Variants in WWOX observed in about 807,000 individuals in gnomAD.
WWOX encodes the protein WW domain containing oxidoreductase.
In WWOX, 69 loss-of-function variants were observed where a neutral mutation model predicts 46.2. That is an observed-to-expected ratio of 1.49 (90% CI 1.23 to 1.82). WWOX has a LOEUF of 1.82. Ranked by LOEUF, WWOX falls within the 40% of genes most tolerant of loss-of-function variation. The probability of loss-of-function intolerance (pLI) is 0.00; values close to 1 mark genes in which losing one functional copy is unlikely to be tolerated. For missense variants in WWOX, 919 were observed against 542.6 expected, an observed-to-expected ratio of 1.69 and a Z score of -6.89; for synonymous variants, 359 against 202.6, an observed-to-expected ratio of 1.77 and a Z score of -6.56.
chr16:79,098,004 A>G (rs1005300894), intron 8 of WWOX, among the ~76,000 whole-genome samples: 3 of 152,186 alleles, frequency 2.0e-5, no homozygotes, highest in African/African-American at 4.8e-5. Flanking sequence ...CAGTGGCCCC[A>G]AAGCATTAAT....
At chr16:78,870,044 A>G (rs2044093063) in intron 8 of WWOX, among the ~76,000 whole-genome samples, 1 of 152,206 alleles carries the variant, frequency 6.6e-6, no homozygotes, top group South Asian at 2.1e-4. Context: ...GACTTCTTCC[A>G]TCAACTACAA....
At chr16:78,920,280 A>C (rs1354238608) in intron 8 of WWOX, among the ~76,000 whole-genome samples, 1 of 152,186 alleles carries the variant, frequency 6.6e-6, no homozygotes, top group Non-Finnish European at 1.5e-5. Flanking sequence ...AAACACAGTG[A>C]CCTGGTCACT....
rs187719477 is a variant in WWOX, at chr16:78,112,354, C to G, written c.230+2519C>G. Among the ~76,000 whole-genome samples, 9 of 152,264 alleles carry G rather than the reference C, an allele frequency of 5.9e-5. No homozygotes were observed. In the East Asian group the frequency reaches 1.7e-3, roughly 29 times the overall value. On this transcript the variant is annotated intron_variant, in intron 3 of 8. Coordinates refer to ENST00000566780, the MANE Select transcript of WWOX (RefSeq NM_016373.4). Reference sequence around the variant, plus strand: ...TACCACTGACACTATTTTTCACCTCCCATGTTATCAGTTTGTGTAATAGTA... The same window carrying G: ...TACCACTGACACTATTTTTCACCTCGCATGTTATCAGTTTGTGTAATAGTA...
rs1209543094 is a variant in WWOX, at chr16:78,114,901, A to G, written c.231-75A>G. On this transcript the variant is annotated intron_variant, in intron 3 of 8. Transcript: ENST00000566780. ...GGTCTATGAAAAATGGGGTTTTCCTAAAGTATAAGATTGTCTTATATTTAT... is the reference window on the plus strand; with the variant it reads ...GGTCTATGAAAAATGGGGTTTTCCTGAAGTATAAGATTGTCTTATATTTAT... 7.5e-6 allele frequency: 12 copies of G among 1,593,888 alleles called. No homozygotes were observed. In the East Asian group the frequency reaches 2.0e-4, roughly 27 times the overall value.
At chr16:79,206,243 G>A (rs1235809847) in intron 8 of WWOX, 3 of 152,258 alleles carry the variant, frequency 2.0e-5, no homozygotes, top group South Asian at 2.1e-4. Flanking sequence ...CTGAGAAGGC[G>A]GCAGAGCAGG....
chr16:78,396,392 A>G lies in WWOX; in HGVS notation c.605+9444A>G, dbSNP rs573709403. 3.3e-5 allele frequency among the ~76,000 whole-genome samples: 5 copies of G among 152,306 alleles called. No homozygotes were observed. In the East Asian group the frequency reaches 9.7e-4, roughly 29 times the overall value. On this transcript the variant is annotated intron_variant, in intron 6 of 8. Coordinates refer to ENST00000566780, the MANE Select transcript of WWOX (RefSeq NM_016373.4). ...AAAATGTGTTCGAATTAACCACACC[A>G]ATGTTCACAAAATAAACATTTTTGA...
At chr16:78,694,058 C>G (rs1011572006) in intron 8 of WWOX, among the ~76,000 whole-genome samples, 5 of 151,990 alleles carry the variant, frequency 3.3e-5, no homozygotes, top group Admixed American at 6.6e-5. Context: ...ATGGTGAAAC[C>G]CTGTTTCTAC....
intron 8 of WWOX, among the ~76,000 whole-genome samples, chr16:78,805,329 C>T (rs895184897): frequency 6.6e-6 from 1 of 152,168 alleles, no homozygotes; most frequent in Non-Finnish European, 1.5e-5. Context: ...CTCAGGATCT[C>T]GGCTCACTGC....
At chr16:78,621,630 A>G (rs1424525679) in intron 8 of WWOX, among the ~76,000 whole-genome samples, 1 of 28,930 alleles carries the variant, frequency 3.5e-5, no homozygotes, top group Non-Finnish European at 6.9e-5. Context: ...TTTGAGACAG[A>G]GTCTTGCTCT....
intron 8 of WWOX, among the ~76,000 whole-genome samples, chr16:78,657,983 T>C (rs1159520068): frequency 6.6e-6 from 1 of 152,154 alleles, no homozygotes; most frequent in African/African-American, 2.4e-5. Context: ...TGACTTTGAT[T>C]TTTCACTTTA....
intron 8 of WWOX, among the ~76,000 whole-genome samples, chr16:78,682,842 T>A (rs149253932): frequency 2.9e-4 from 44 of 152,362 alleles, no homozygotes; most frequent in African/African-American, 1.0e-3. Flanking sequence ...TAATGCCTGC[T>A]GCAAATAGAA....
chr16:79,142,799 A>G (rs1192974294), intron 8 of WWOX, among the ~76,000 whole-genome samples: 1 of 152,142 alleles, frequency 6.6e-6, no homozygotes, highest in Non-Finnish European at 1.5e-5. Flanking sequence ...CCCAGGCCCA[A>G]CTGATCCTCC....
intron 8 of WWOX, among the ~76,000 whole-genome samples, chr16:78,758,777 A>G (rs1301325101): frequency 6.6e-6 from 1 of 152,128 alleles, no homozygotes; most frequent in Non-Finnish European, 1.5e-5. Context: ...GTTAAGGGCA[A>G]TGATGTATAC....
At chr16:78,901,943 A>G (rs929695210) in intron 8 of WWOX, among the ~76,000 whole-genome samples, 3 of 152,216 alleles carry the variant, frequency 2.0e-5, no homozygotes, top group African/African-American at 4.8e-5. Flanking sequence ...GGGCTGATCA[A>G]TCCCATTCCC....
chr16:78,742,715 T>C (rs987272792), intron 8 of WWOX, among the ~76,000 whole-genome samples: 9 of 152,254 alleles, frequency 5.9e-5, no homozygotes, highest in East Asian at 1.9e-4. Flanking sequence ...TCACATGGGG[T>C]TGGGCGACAC....
intron 4 of WWOX, among the ~76,000 whole-genome samples, chr16:78,141,973 C>T (rs1159465101): frequency 7.0e-6 from 1 of 142,684 alleles, no homozygotes; most frequent in Non-Finnish European, 1.5e-5. Flanking sequence ...CTAAATTCTT[C>T]CTTATAAAAT....
intron 5 of WWOX, among the ~76,000 whole-genome samples, chr16:78,349,953 C>G (rs9921677): frequency 0.51 from 60,527 of 119,694 alleles, 23,758 homozygotes; most frequent in African/African-American, 0.65. Context: ...CTATGAATTA[C>G]CTAATGCCCA....
intron 8 of WWOX, among the ~76,000 whole-genome samples, chr16:78,976,430 C>G (rs527339374): frequency 6.6e-6 from 1 of 152,214 alleles, no homozygotes; most frequent in Non-Finnish European, 1.5e-5. Context: ...GTGCGTGGGC[C>G]TGTGACTAAC....
intron 8 of WWOX, among the ~76,000 whole-genome samples, chr16:78,926,559 G>C (rs930053420): frequency 3.3e-5 from 5 of 152,162 alleles, no homozygotes; most frequent in Non-Finnish European, 5.9e-5. Context: ...TCATTTTGCA[G>C]AAAGCAGACG....
Sources: gnomAD v4.1 joint callset for allele counts (sites outside exome capture counted in the v4.1 genomes callset) on GRCh38, gnomAD v4.1.1 for gene constraint, MANE v1.5 for transcripts, NCBI Gene and HGNC (gene_info 2026-07-23, HGNC 2026-07-21) for gene names.